Variants in THSD7B observed in about 807,000 individuals in gnomAD.
The protein encoded by THSD7B is thrombospondin type 1 domain containing 7B, also known as thrombospondin type-1 domain-containing protein 7B.
In THSD7B, 138 loss-of-function variants were observed where a neutral mutation model predicts 213.6. The observed-to-expected ratio is 0.65, with a 90% CI of 0.56 to 0.74. THSD7B has a LOEUF of 0.74. THSD7B is among the 30% of genes least tolerant of loss of function. The pLI, the probability that THSD7B is intolerant of heterozygous loss-of-function variation, is 0.00. For missense variants in THSD7B, 1,931 were observed against 1,991.5 expected, an observed-to-expected ratio of 0.97 and a Z score of 0.58; for synonymous variants, 742 against 687.0, an observed-to-expected ratio of 1.08 and a Z score of -1.25.
intron 2 of THSD7B, among the ~76,000 whole-genome samples, chr2:136,936,390 A>G (rs1474297785): frequency 1.3e-5 from 2 of 152,216 alleles, no homozygotes; most frequent in African/African-American, 4.8e-5. Flanking sequence ...TAGCAGCACA[A>G]TTCACAATTG....
chr2:136,898,241 G>A (rs1413910253), intron 2 of THSD7B, among the ~76,000 whole-genome samples: 2 of 152,190 alleles, frequency 1.3e-5, no homozygotes, highest in African/African-American at 4.8e-5. Context: ...AAATTTTAGT[G>A]TATAAGCCTT....
intron 15 of THSD7B, among the ~76,000 whole-genome samples, chr2:137,562,977 C>T (rs974121524): frequency 6.6e-6 from 1 of 152,060 alleles, no homozygotes; most frequent in Non-Finnish European, 1.5e-5. Flanking sequence ...AAATGACCGT[C>T]CTTTGTTCTC....
Position 137,097,417 on chromosome 2 carries a change from T to C in THSD7B, c.1199+2296T>C, listed in dbSNP as rs141739358. 2.8e-4 allele frequency among the ~76,000 whole-genome samples: 43 copies of C among 152,250 alleles called. No homozygotes were observed. In the East Asian group the frequency reaches 7.5e-3, roughly 27 times the overall value. ...AATATAAATAATATTTAGTGTGACATGGAACATTTTTGAGAGTGAAAGGGA... is the reference window on the plus strand; with the variant it reads ...AATATAAATAATATTTAGTGTGACACGGAACATTTTTGAGAGTGAAAGGGA... On this transcript the variant is annotated intron_variant, in intron 4 of 27. Coordinates refer to ENST00000409968, the MANE Select transcript of THSD7B (RefSeq NM_001316349.2).
intron 17 of THSD7B, among the ~76,000 whole-genome samples, chr2:137,599,759 C>T (rs1456979047): frequency 6.6e-6 from 1 of 152,174 alleles, no homozygotes; most frequent in Non-Finnish European, 1.5e-5. Context: ...CGAAGAAATT[C>T]ATTTTGAATG....
At chr2:136,882,414 A>G (rs1683641702) in intron 2 of THSD7B, 97 bp downstream of exon 2, 11 of 1,247,580 alleles carry the variant, frequency 8.8e-6, no homozygotes, top group Non-Finnish European at 1.1e-5. Context: ...AGTGGGAAAT[A>G]TCCAGAGAGG....
At position 137,663,395 on chromosome 2, in the gene THSD7B, G is replaced by A; in HGVS notation, c.4471G>A (p.Gly1491Ser). Residue 1491 changes from glycine to serine, a missense_variant, in exon 26 of 28, where the codon GGT becomes AGT. Coordinates refer to ENST00000409968, the MANE Select transcript of THSD7B (RefSeq NM_001316349.2). Reference protein sequence around the residue: ...FSYCTQGGVCGCEKGYTEIMK... With the variant: ...FSYCTQGGVCSCEKGYTEIMK... ...CTTTATGCTGTAGGGTGGAGTCTGT[G>A]GTTGTGAGAAGGGCTATACAGAGAT... 6.3e-7 allele frequency: 1 copy of A among 1,582,914 alleles called. No individual in the cohort carries two copies. The highest frequency in any genetic ancestry group is 8.6e-7 in the Non-Finnish European group (1 of 1,163,876).
At chr2:137,667,714 C>A in intron 26 of THSD7B, 60 bp from the exon 27 acceptor site, 1 of 1,396,094 alleles carries the variant, frequency 7.2e-7, no homozygotes, top group Non-Finnish European at 9.9e-7. Context: ...GTTGCCCTAT[C>A]TCTCAAATGC....
At chr2:136,825,718 A>ATTTTTTTTTTTTTTTTTTTTTTTTTTTTT (rs55814718) in intron 1 of THSD7B, among the ~76,000 whole-genome samples, 3 of 116,896 alleles carry the variant, frequency 2.6e-5, no homozygotes, top group Non-Finnish European at 3.4e-5. Context: ...TGCCTGGCTA[A>ATTTTTTTTTTTTTTTTTTTTTTTTTTTTT]TTTTTTTTTT....
chr2:137,650,670 G>GC (rs1199155003), intron 21 of THSD7B, among the ~76,000 whole-genome samples: 5 of 152,194 alleles, frequency 3.3e-5, no homozygotes, highest in African/African-American at 1.2e-4. Context: ...AGATCTTAGA[G>GC]CAAACGCTTT....
intron 7 of THSD7B, among the ~76,000 whole-genome samples, chr2:137,175,933 C>T (rs1680349834): frequency 1.3e-5 from 2 of 152,136 alleles, no homozygotes; most frequent in African/African-American, 4.8e-5. Context: ...TTTTGCGATT[C>T]ACCAGAATTC....
intron 14 of THSD7B, among the ~76,000 whole-genome samples, chr2:137,448,581 G>C (rs531750790): frequency 6.6e-6 from 1 of 151,892 alleles, no homozygotes; most frequent in African/African-American, 2.4e-5. Flanking sequence ...AGGCCGAGGC[G>C]GGCAGATCAC....
At chr2:137,279,697 A>G (rs181392166) in intron 12 of THSD7B, among the ~76,000 whole-genome samples, 2 of 152,268 alleles carry the variant, frequency 1.3e-5, no homozygotes, top group Non-Finnish European at 2.9e-5. Context: ...TACTGTATGA[A>G]GAAGCTTCTG....
chr2:136,888,234 A>G (rs1683752437), intron 2 of THSD7B, among the ~76,000 whole-genome samples: 1 of 152,124 alleles, frequency 6.6e-6, no homozygotes, highest in African/African-American at 2.4e-5. Flanking sequence ...CTCATGCTCA[A>G]TGAATAAAAA....
intron 1 of THSD7B, among the ~76,000 whole-genome samples, chr2:136,811,320 T>C (rs969126187): frequency 2.0e-5 from 3 of 152,068 alleles, no homozygotes; most frequent in Admixed American, 2.0e-4. Flanking sequence ...TTTTCAACCC[T>C]CAGGCCTTAG....
At chr2:137,102,961 C>T (rs956135887) in intron 4 of THSD7B, among the ~76,000 whole-genome samples, 10 of 152,158 alleles carry the variant, frequency 6.6e-5, no homozygotes, top group African/African-American at 2.4e-4. Context: ...GGAAAACACT[C>T]TTCAGGATAT....
intron 17 of THSD7B, among the ~76,000 whole-genome samples, chr2:137,604,527 A>G (rs2104826554): frequency 6.6e-6 from 1 of 152,276 alleles, no homozygotes; most frequent in East Asian, 1.9e-4. Flanking sequence ...TCTATCATCT[A>G]GGTTATCCTA....
intron 1 of THSD7B, among the ~76,000 whole-genome samples, chr2:136,873,133 C>T (rs190653400): frequency 1.3e-5 from 2 of 151,544 alleles, no homozygotes; most frequent in African/African-American, 4.8e-5. Flanking sequence ...TATTTCAATC[C>T]CTCTTTTTAT....
intron 2 of THSD7B, among the ~76,000 whole-genome samples, chr2:136,985,709 G>A (rs950656688): frequency 5.9e-5 from 9 of 152,198 alleles, no homozygotes; most frequent in African/African-American, 2.2e-4. Context: ...ACTGCCTGGT[G>A]GAGCTGTGGG....
At chr2:137,299,543 A>G (rs906151842) in intron 12 of THSD7B, among the ~76,000 whole-genome samples, 5 of 152,058 alleles carry the variant, frequency 3.3e-5, no homozygotes. Flanking sequence ...CTTGAATTTT[A>G]TTTCCCAGAA....
Sources: gnomAD v4.1 joint callset for allele counts (sites outside exome capture counted in the v4.1 genomes callset) on GRCh38, gnomAD v4.1.1 for gene constraint, MANE v1.5 for transcripts, NCBI Gene and HGNC (gene_info 2026-07-23, HGNC 2026-07-21) for gene names.